Variants in TACR3 observed in about 807,000 individuals in gnomAD.
TACR3 encodes tachykinin receptor 3, also known as neuromedin-K receptor.
A neutral mutation model predicts 35.0 loss-of-function variants in TACR3; 34 were observed. That is an observed-to-expected ratio of 0.97 (90% CI 0.74 to 1.30). The LOEUF is 1.30. Ranked by LOEUF, TACR3 falls within the 50% of genes most tolerant of loss-of-function variation. The pLI is 0.00. For missense variants in TACR3, 558 were observed against 591.7 expected (o/e 0.94, Z 0.59); for synonymous variants, 233 against 221.1 (o/e 1.05, Z -0.48).
chr4:103,656,120 C>A, intron 3 of TACR3, 74 bp downstream of exon 3: 1 of 1,545,068 alleles, frequency 6.5e-7, no homozygotes, highest in Non-Finnish European at 8.9e-7. Context: ...TATTAACATG[C>A]CATGACTAGA....
chr4:103,607,684 G>A (rs958786715), intron 3 of TACR3, among the ~76,000 whole-genome samples: 6 of 151,996 alleles, frequency 3.9e-5, no homozygotes, highest in African/African-American at 1.4e-4. Flanking sequence ...ATACATTTTA[G>A]ATGATATTTA....
intron 3 of TACR3, among the ~76,000 whole-genome samples, chr4:103,596,585 G>C (rs994963614): frequency 2.6e-5 from 4 of 151,982 alleles, no homozygotes; most frequent in African/African-American, 7.2e-5. Flanking sequence ...TGCTTGTTTT[G>C]ATTAGAATCC....
At chr4:103,604,123 T>C (rs1724285451) in intron 3 of TACR3, among the ~76,000 whole-genome samples, 1 of 152,250 alleles carries the variant, frequency 6.6e-6, no homozygotes, top group African/African-American at 2.4e-5. Context: ...GGCATCAGGC[T>C]GCTTGACTTC....
intron 3 of TACR3, among the ~76,000 whole-genome samples, chr4:103,655,975 C>A (rs920973425): frequency 6.6e-6 from 1 of 151,850 alleles, no homozygotes; most frequent in Non-Finnish European, 1.5e-5. Context: ...TTTAAGAAGT[C>A]CTTATGTAAT....
intron 3 of TACR3, among the ~76,000 whole-genome samples, chr4:103,651,641 C>A (rs545703069): frequency 1.3e-5 from 2 of 151,594 alleles, no homozygotes; most frequent in Non-Finnish European, 2.9e-5. Context: ...TTTCCCTTAG[C>A]TTTTCTCAAG....
chr4:103,656,110 T>C lies in TACR3; in HGVS notation c.888+84A>G. On this transcript the variant is annotated intron_variant, in intron 3 of 4. Transcript: ENST00000304883. ...AGGAGTAGAGCATCAGATCATATTG[T>C]ATTAACATGCCATGACTAGATTGCT... 8.6e-6 allele frequency: 13 copies of C among 1,511,346 alleles called. No homozygotes were observed. In the South Asian group the frequency reaches 1.5e-4, roughly 17 times the overall value. The allele number at this position is 1,511,346 out of a possible 1,614,324, so 93.6% of individuals were successfully genotyped here. A position where few individuals can be genotyped will look rare whatever the true frequency, so the allele number is the denominator to read the frequency against.
chr4:103,718,568 G>A (rs1275243359), intron 1 of TACR3, among the ~76,000 whole-genome samples: 2 of 152,200 alleles, frequency 1.3e-5, no homozygotes, highest in Admixed American at 6.5e-5. Context: ...TTTTTGGAGA[G>A]TGTGTGTGGT....
intron 3 of TACR3, among the ~76,000 whole-genome samples, chr4:103,609,170 T>C (rs1578224992): frequency 6.6e-6 from 1 of 152,138 alleles, no homozygotes; most frequent in African/African-American, 2.4e-5. Flanking sequence ...TGCTGTGGAA[T>C]TATTAGTGAT....
At chr4:103,649,586 C>T (rs561151969) in intron 3 of TACR3, among the ~76,000 whole-genome samples, 12 of 152,136 alleles carry the variant, frequency 7.9e-5, no homozygotes, top group Non-Finnish European at 1.5e-4. Flanking sequence ...CCTTCAAGCT[C>T]ACTAATTCTT....
Position 103,602,665 on chromosome 4 carries a change from G to T in TACR3, c.889-10982C>A, listed in dbSNP as rs1375468517. ...TGCCTAGAGGTCCACTGCAGACCCT[G>T]TTTGCCTGGGTATCAGCAGCAGTGG... is the stretch of plus-strand genomic sequence containing the variant. On this transcript the variant is annotated intron_variant, in intron 3 of 4. Coordinates refer to ENST00000304883, the MANE Select transcript of TACR3 (RefSeq NM_001059.3). Among the ~76,000 whole-genome samples the T allele has an allele frequency of 1.3e-5, 2 of 152,194 alleles. 1 individual carries two copies. Among genetic ancestry groups the T allele is most frequent in the African/African-American group, 4.8e-5 (2 of 41,446 alleles).
In TACR3 at chr4:103,614,884, G is replaced by GTTTTTTTTTTTTTTTTTTTTTT. The variant is rs71580414; in HGVS notation, c.889-23223_889-23202dup. Reference sequence around the variant, plus strand: ...TATAACCTAAGTTGATTATGAATGTGTTTTTTTTTTTTTTTTTTTTTTTTT... The same window carrying GTTTTTTTTTTTTTTTTTTTTTT: ...TATAACCTAAGTTGATTATGAATGTGTTTTTTTTTTTTTTTTTTTTTTTTTTTTTTTTTTTTTTTTTTTTTTT... On this transcript the variant is annotated intron_variant, in intron 3 of 4. Transcript: ENST00000304883. Among the ~76,000 whole-genome samples the GTTTTTTTTTTTTTTTTTTTTTT allele has an allele frequency of 6.0e-4, 43 of 72,060 alleles. 6 individuals are homozygous for GTTTTTTTTTTTTTTTTTTTTTT. Among genetic ancestry groups the GTTTTTTTTTTTTTTTTTTTTTT allele is most frequent in the East Asian group, 1.0e-3 (2 of 1,986 alleles). The allele number at this position is 72,060 out of a possible 152,430, so 47.3% of individuals were successfully genotyped here.
intron 1 of TACR3, among the ~76,000 whole-genome samples, chr4:103,707,520 A>C (rs1722821852): frequency 2.0e-5 from 3 of 152,158 alleles, no homozygotes; most frequent in Admixed American, 2.0e-4. Flanking sequence ...TCAATAAGAC[A>C]CAGTTCCAAG....
chr4:103,660,469 G>A (rs1175219252), intron 1 of TACR3, among the ~76,000 whole-genome samples: 1 of 151,930 alleles, frequency 6.6e-6, no homozygotes. Context: ...CCTATAGTTA[G>A]CAATAAATTA....
intron 1 of TACR3, among the ~76,000 whole-genome samples, chr4:103,675,975 A>T (rs1307425797): frequency 6.6e-6 from 1 of 152,158 alleles, no homozygotes; most frequent in Non-Finnish European, 1.5e-5. Context: ...CCCATGCTTT[A>T]ATTTCCACTC....
chr4:103,713,666 GA>G (rs1213124622), intron 1 of TACR3, among the ~76,000 whole-genome samples: 3 of 151,758 alleles, frequency 2.0e-5, no homozygotes, highest in Non-Finnish European at 1.5e-5. Flanking sequence ...CAATTAGACA[GA>G]AAAAAATAGG....
chr4:103,691,649 T>G (rs1484748185), intron 1 of TACR3, among the ~76,000 whole-genome samples: 1 of 152,154 alleles, frequency 6.6e-6, no homozygotes, highest in Admixed American at 6.6e-5. Context: ...TGCAGCACTG[T>G]AACATATTCA....
chr4:103,691,755 A>G (rs979453874), intron 1 of TACR3, among the ~76,000 whole-genome samples: 59 of 152,200 alleles, frequency 3.9e-4, no homozygotes, highest in Non-Finnish European at 1.9e-4. Context: ...GCTTAAAGGC[A>G]TTCTTAAGCC....
At chr4:103,701,980 A>G (rs1284166310) in intron 1 of TACR3, among the ~76,000 whole-genome samples, 1 of 152,224 alleles carries the variant, frequency 6.6e-6, no homozygotes, top group Non-Finnish European at 1.5e-5. Context: ...CATTCAGGAC[A>G]TAGGCACGGG....
At chr4:103,676,519 T>C (rs534574841) in intron 1 of TACR3, among the ~76,000 whole-genome samples, 1 of 152,144 alleles carries the variant, frequency 6.6e-6, no homozygotes, top group Non-Finnish European at 1.5e-5. Context: ...AAATATAGTG[T>C]GTTAAAAGTG....
Sources: allele counts gnomAD v4.1 joint callset (sites outside exome capture counted in the v4.1 genomes callset), GRCh38; gene constraint gnomAD v4.1.1; transcripts MANE v1.5; gene names NCBI Gene and HGNC (gene_info 2026-07-23, HGNC 2026-07-21).